Variants in DMGDH observed in about 807,000 individuals in gnomAD.
DMGDH encodes dimethylglycine dehydrogenase, also known as dimethylglycine dehydrogenase, mitochondrial.
A neutral mutation model predicts 95.2 loss-of-function variants in DMGDH; 76 were observed. That is an observed-to-expected ratio of 0.80 (90% confidence interval 0.66 to 0.97). The LOEUF (loss-of-function observed/expected upper bound fraction) is 0.97, where lower values mean the gene tolerates loss of function less well. Ranked by LOEUF, DMGDH falls within the 50% of genes least tolerant of loss-of-function variation. The probability of loss-of-function intolerance (pLI) is 0.00; values close to 1 mark genes in which losing one functional copy is unlikely to be tolerated. For synonymous variants in DMGDH, 345 were observed against 377.6 expected (o/e 0.91, Z 1.00); for missense variants, 987 against 1,055.0 (o/e 0.94, Z 0.89).
At chr5:79,046,193 TCTC>T (rs1754670698) in intron 5 of DMGDH, among the ~76,000 whole-genome samples, 1 of 152,148 alleles carries the variant, frequency 6.6e-6, no homozygotes, top group Non-Finnish European at 1.5e-5. Flanking sequence ...TTCAAGCCAT[TCTC>T]CTGTCTCAGC....
chr5:79,048,777 A>G (rs1466787931), intron 5 of DMGDH, among the ~76,000 whole-genome samples: 1 of 151,818 alleles, frequency 6.6e-6, no homozygotes, highest in African/African-American at 2.4e-5. Context: ...ATACACACAC[A>G]CACACACACA....
chr5:79,020,266 G>A (rs368748113), intron 14 of DMGDH, among the ~76,000 whole-genome samples: 3 of 152,092 alleles, frequency 2.0e-5, no homozygotes, highest in African/African-American at 7.2e-5. Flanking sequence ...TTTAAACAGC[G>A]AAATATTATT....
At chr5:79,051,262 A>G (rs1754846676) in intron 5 of DMGDH, 25 bp downstream of exon 5, 4 of 1,611,198 alleles carry the variant, frequency 2.5e-6, no homozygotes, top group Non-Finnish European at 3.4e-6. Flanking sequence ...AAAAAACACT[A>G]ATTTCAAAAA....
intron 5 of DMGDH, 113 bp downstream of exon 5, chr5:79,051,174 T>G: frequency 8.4e-7 from 1 of 1,183,494 alleles, no homozygotes; most frequent in Non-Finnish European, 1.3e-6. Context: ...AATGTTTAAC[T>G]TGGGAGCATC....
At chr5:79,032,580 T>C in intron 9 of DMGDH, 107 bp downstream of exon 9, 1 of 1,481,556 alleles carries the variant, frequency 6.7e-7, no homozygotes, top group South Asian at 1.1e-5. Flanking sequence ...TCAGTGCTCC[T>C]TGGAACAGGG....
chr5:79,006,569 A>G (rs1753549707), intron 14 of DMGDH, among the ~76,000 whole-genome samples: 1 of 152,244 alleles, frequency 6.6e-6, no homozygotes, highest in African/African-American at 2.4e-5. Context: ...TATGGTGAAT[A>G]AGATTTAATC....
chr5:79,040,188 G>C (rs2112641770), intron 7 of DMGDH, among the ~76,000 whole-genome samples: 1 of 152,240 alleles, frequency 6.6e-6, no homozygotes, highest in East Asian at 1.9e-4. Flanking sequence ...TAACCTGTGG[G>C]GTCTATGTTA....
In DMGDH at chr5:78,998,158, A is replaced by T. The variant is rs1239052961; in HGVS notation, c.2525T>A (p.Ile842Asn). ...GGTCAATACCAAAGGTTCTTGTATG[A>T]TGACTGCTGGGTAATTTTTGCCTAA... ...ELLGKNYPAVIIQEPLVLTEP... is the reference protein window; with the variant it reads ...ELLGKNYPAVNIQEPLVLTEP... Residue 842 changes from isoleucine to asparagine, a missense_variant, in exon 16 of 16, where the codon ATC (isoleucine) becomes AAC (asparagine). Ile to Asn is a moderately radical substitution (Grantham distance 149). Coordinates refer to ENST00000255189, the MANE Select transcript of DMGDH (RefSeq NM_013391.3). 21 of 1,614,186 alleles carry T rather than the reference A, an allele frequency of 1.3e-5. No individual in the cohort carries two copies. Among genetic ancestry groups the T allele is most frequent in the Non-Finnish European group, 1.7e-5 (20 of 1,180,028 alleles).
chr5:79,059,367 AG>A (rs1755130115), intron 2 of DMGDH, among the ~76,000 whole-genome samples: 1 of 152,230 alleles, frequency 6.6e-6, no homozygotes. Flanking sequence ...AAGTGAGAGA[AG>A]TGCACGATTG....
rs972012012 is a variant in DMGDH, at chr5:79,029,635, T to C, written c.1814+269A>G. On this transcript the variant is annotated intron_variant, in intron 11 of 15. Transcript: ENST00000255189. ...ATATTAAGAGAATTCATTAAGGTAATATCTAAAAAAGGTTCTGGCACATTG... is the reference window on the plus strand; with the variant it reads ...ATATTAAGAGAATTCATTAAGGTAACATCTAAAAAAGGTTCTGGCACATTG... 2.8e-4 allele frequency among the ~76,000 whole-genome samples: 42 copies of C among 152,030 alleles called. 1 individual carries two copies. The highest frequency in any genetic ancestry group is 1.0e-4 in the Non-Finnish European group (7 of 67,992).
chr5:79,054,116 C>A (rs948880766), intron 4 of DMGDH, 68 bp downstream of exon 4: 79 of 1,569,366 alleles, frequency 5.0e-5, no homozygotes, highest in Non-Finnish European at 6.8e-5. Context: ...TTTTAGTTAA[C>A]TTCTTAATAA....
intron 14 of DMGDH, among the ~76,000 whole-genome samples, chr5:79,018,276 C>A (rs912874339): frequency 2.6e-4 from 39 of 152,230 alleles, no homozygotes; most frequent in African/African-American, 9.1e-4. Context: ...TGGGTTGAGG[C>A]AACCCTTCCA....
At chr5:79,019,652 A>T (rs781076835) in intron 14 of DMGDH, among the ~76,000 whole-genome samples, 1 of 152,160 alleles carries the variant, frequency 6.6e-6, no homozygotes, top group Non-Finnish European at 1.5e-5. Context: ...TGAGAGGCTG[A>T]GGCAGGTGGA....
Position 79,024,276 on chromosome 5 carries a change from T to G in DMGDH, c.2245A>C (p.Asn749His). Residue 749 changes from asparagine to histidine, a missense_variant, in exon 14 of 16, where the codon AAT becomes CAT. Coordinates refer to ENST00000255189, the MANE Select transcript of DMGDH (RefSeq NM_013391.3). ...ACTTTGGAATGTAAACATACCTTAT[T>G]TAACTTCACAAAATATTCCAGTCCA... ...EAGLEYFVKL[N>H]KPADFIGKQA... 6.2e-7 allele frequency: 1 copy of G among 1,613,224 alleles called. No individual in the cohort carries two copies. Among genetic ancestry groups the G allele is most frequent in the Non-Finnish European group, 8.5e-7 (1 of 1,179,334 alleles).
chr5:79,051,606 C>G, intron 4 of DMGDH, 115 bp from the exon 5 acceptor site: 1 of 999,716 alleles, frequency 1.0e-6, no homozygotes. Flanking sequence ...GTTTCTTGAT[C>G]TGGAAAGTGA....
At chr5:79,018,488 T>TA (rs1753787271) in intron 14 of DMGDH, among the ~76,000 whole-genome samples, 2 of 150,594 alleles carry the variant, frequency 1.3e-5, no homozygotes, top group Non-Finnish European at 3.0e-5. Flanking sequence ...GTCTCAGACA[T>TA]AAATTGTTGC....
chr5:79,036,414 G>T (rs1017781423), intron 7 of DMGDH, among the ~76,000 whole-genome samples: 1 of 152,088 alleles, frequency 6.6e-6, no homozygotes, highest in African/African-American at 2.4e-5. Context: ...TAAATGACTG[G>T]ATGTTACATC....
chr5:79,021,260 G>C (rs1187002653), intron 14 of DMGDH: 10 of 1,024,440 alleles, frequency 9.8e-6, no homozygotes, highest in Non-Finnish European at 1.2e-5. Context: ...TCACAATTAC[G>C]GCTAAGAACG....
chr5:79,021,198 A>G (rs562949787), intron 14 of DMGDH: 3 of 995,748 alleles, frequency 3.0e-6, no homozygotes, highest in Admixed American at 1.1e-4. Flanking sequence ...TTCCCACAAG[A>G]TGGCAGTGTT....
Sources: allele counts gnomAD v4.1 joint callset (sites outside exome capture counted in the v4.1 genomes callset), GRCh38; gene constraint gnomAD v4.1.1; transcripts MANE v1.5; gene names NCBI Gene and HGNC (gene_info 2026-07-23, HGNC 2026-07-21).